CENPW: variants seen among roughly 807,000 people sequenced by gnomAD.
The protein encoded by CENPW is centromere protein W.
CENPW carries 3 observed loss-of-function variants against 11.1 expected under a neutral mutation model. The observed-to-expected ratio is 0.27, with a 90% CI of 0.12 to 0.70. The LOEUF is 0.70. Among genes scored for constraint, CENPW ranks in the 30% least tolerant of loss-of-function variants. The pLI is 0.77. For synonymous variants in CENPW, 38 were observed against 42.0 expected (o/e 0.91, Z 0.37); for missense variants, 100 against 105.6 (o/e 0.95, Z 0.23).
chr6:126,436,397 G>T, the CENPW span, among the ~76,000 whole-genome samples: 2 of 151,826 alleles, frequency 1.3e-5, no homozygotes, highest in African/African-American at 2.4e-5. Context: ...TCTGTTAGTT[G>T]AGACATCACT....
chr6:126,465,207 C>A, the CENPW span, among the ~76,000 whole-genome samples: 1 of 151,840 alleles, frequency 6.6e-6, no homozygotes, highest in Non-Finnish European at 1.5e-5. Flanking sequence ...TACAAACTAT[C>A]AAAATTATTA....
chr6:126,356,598 T>C, the CENPW span, among the ~76,000 whole-genome samples: 44 of 152,272 alleles, frequency 2.9e-4, no homozygotes, highest in African/African-American at 1.0e-3. Context: ...TTTGCCAGCA[T>C]CTATTATTTG....
At chr6:126,386,623 A>G in the CENPW span, among the ~76,000 whole-genome samples, 1 of 152,000 alleles carries the variant, frequency 6.6e-6, no homozygotes, top group African/African-American at 2.4e-5. Flanking sequence ...ATAGTTGTGC[A>G]GTGTACACTA....
At chr6:126,382,457 G>A in the CENPW span, among the ~76,000 whole-genome samples, 2 of 152,052 alleles carry the variant, frequency 1.3e-5, no homozygotes, top group Non-Finnish European at 2.9e-5. Context: ...TGGCTGAAAT[G>A]ACAGAAATAG....
chr6:126,457,317 C>T, the CENPW span, among the ~76,000 whole-genome samples: 1 of 151,464 alleles, frequency 6.6e-6, no homozygotes, highest in African/African-American at 2.4e-5. Context: ...GACCTTAATG[C>T]CCACCAATAG....
chr6:126,451,594 C>T, the CENPW span, among the ~76,000 whole-genome samples: 10 of 151,166 alleles, frequency 6.6e-5, no homozygotes, highest in East Asian at 1.6e-3. Flanking sequence ...GATAAAGAAG[C>T]TTCAATGGGA....
At chr6:126,349,894 A>G (rs1032020329), downstream of CENPW, among the ~76,000 whole-genome samples, 1 of 152,016 alleles carries the variant, frequency 6.6e-6, no homozygotes, top group Non-Finnish European at 1.5e-5. Flanking sequence ...TGTGTCACTT[A>G]ATCTGGAGTG....
At chr6:126,441,490 G>A in the CENPW span, among the ~76,000 whole-genome samples, 1 of 151,420 alleles carries the variant, frequency 6.6e-6, no homozygotes, top group Non-Finnish European at 1.5e-5. Flanking sequence ...GGTTTTGGGG[G>A]AACAGGTGGT....
the CENPW span, among the ~76,000 whole-genome samples, chr6:126,369,825 G>A: frequency 6.6e-6 from 1 of 152,102 alleles, no homozygotes; most frequent in African/African-American, 2.4e-5. Flanking sequence ...TTGCTTTTGG[G>A]TTCTTTGTCA....
chr6:126,430,364 A>T, the CENPW span, among the ~76,000 whole-genome samples: 1 of 152,248 alleles, frequency 6.6e-6, no homozygotes, highest in Admixed American at 6.5e-5. Context: ...CCTTGAATAG[A>T]TTTAAACTTT....
At chr6:126,461,578 C>T in the CENPW span, among the ~76,000 whole-genome samples, 2 of 151,864 alleles carry the variant, frequency 1.3e-5, no homozygotes, top group Non-Finnish European at 2.9e-5. Flanking sequence ...GATTAGTCTT[C>T]TCATCTTTAA....
chr6:126,418,603 C>G, the CENPW span, among the ~76,000 whole-genome samples: 1 of 151,988 alleles, frequency 6.6e-6, no homozygotes, highest in Non-Finnish European at 1.5e-5. Flanking sequence ...ACAGGATGTA[C>G]AACACTAAGA....
the CENPW span, among the ~76,000 whole-genome samples, chr6:126,469,853 GGAA>G: frequency 1.3e-5 from 2 of 152,136 alleles, no homozygotes; most frequent in Non-Finnish European, 2.9e-5. Flanking sequence ...AGTATTTGGT[GGAA>G]GAAATGTCTA....
the CENPW span, among the ~76,000 whole-genome samples, chr6:126,378,030 C>T: frequency 1.3e-5 from 2 of 152,160 alleles, no homozygotes; most frequent in Admixed American, 6.6e-5. Flanking sequence ...GGGACGCTCT[C>T]GCATCTTTAA....
At chr6:126,477,809 T>G in the CENPW span, among the ~76,000 whole-genome samples, 1 of 152,018 alleles carries the variant, frequency 6.6e-6, no homozygotes, top group Non-Finnish European at 1.5e-5. Context: ...CTTTCTTTTC[T>G]TTCATAGCTA....
At chr6:126,460,503 A>C in the CENPW span, among the ~76,000 whole-genome samples, 1 of 151,680 alleles carries the variant, frequency 6.6e-6, no homozygotes, top group African/African-American at 2.4e-5. Context: ...GCTGTGCCCT[A>C]ACATCTTACC....
chr6:126,410,228 T>G, the CENPW span, among the ~76,000 whole-genome samples: 1 of 152,290 alleles, frequency 6.6e-6, no homozygotes, highest in South Asian at 2.1e-4. Flanking sequence ...GAGAAAGATT[T>G]TATTTCTTCC....
At chr6:126,397,737 G>A in the CENPW span, among the ~76,000 whole-genome samples, 4 of 151,990 alleles carry the variant, frequency 2.6e-5, no homozygotes, top group Admixed American at 2.6e-4. Flanking sequence ...GTTCCCCATT[G>A]TTGGTGACCT....
the CENPW span, among the ~76,000 whole-genome samples, chr6:126,370,717 T>G: frequency 1.3e-5 from 2 of 152,074 alleles, no homozygotes; most frequent in African/African-American, 2.4e-5. Context: ...AAACGACAGT[T>G]TCACTTGCTC....
Sources: gnomAD v4.1 joint callset for allele counts (sites outside exome capture counted in the v4.1 genomes callset) on GRCh38, gnomAD v4.1.1 for gene constraint, MANE v1.5 for transcripts, NCBI Gene and HGNC (gene_info 2026-07-23, HGNC 2026-07-21) for gene names.